The following PRRX1 variants were observed in gnomAD, a reference collection of about 807,000 sequenced individuals.
PRRX1 encodes the protein paired mesoderm homeobox protein 1.
PRRX1 carries 8 observed loss-of-function variants against 24.0 expected under a neutral mutation model. The ratio of observed to expected loss-of-function variants is 0.33; its 90% CI spans 0.20 to 0.60. The LOEUF is 0.60. Among genes scored for constraint, PRRX1 ranks in the 20% least tolerant of loss-of-function variants. PRRX1 has a pLI of 0.82. For missense variants in PRRX1, 281 were observed against 322.4 expected (o/e 0.87, Z 0.98); for synonymous variants, 160 against 131.7 (o/e 1.22, Z -1.47).
intron 1 of PRRX1, among the ~76,000 whole-genome samples, chr1:170,695,767 G>A (rs909730888): frequency 1.1e-4 from 16 of 152,106 alleles, no homozygotes; most frequent in Admixed American, 2.0e-4. Context: ...CAGTATGAAC[G>A]TGCATCTTTT....
At chr1:170,680,669 G>A (rs1337039751) in intron 1 of PRRX1, among the ~76,000 whole-genome samples, 2 of 152,220 alleles carry the variant, frequency 1.3e-5, no homozygotes, top group African/African-American at 4.8e-5. Flanking sequence ...TTCACCAAGT[G>A]TCATAACATC....
intron 3 of PRRX1, chr1:170,728,932 C>A (rs531643657): frequency 6.6e-6 from 1 of 152,328 alleles, no homozygotes; most frequent in East Asian, 1.9e-4. Flanking sequence ...GAAAAATTAA[C>A]TCACTGTTCT....
intron 3 of PRRX1, 35 bp from the exon 4 acceptor site, chr1:170,736,013 T>G: frequency 6.2e-7 from 1 of 1,613,472 alleles, no homozygotes. Flanking sequence ...AACTAATGCC[T>G]GTTATTCTCC....
chr1:170,736,309 A>T lies in PRRX1; in HGVS notation c.*123A>T. On this transcript the variant is annotated 3_prime_UTR_variant, in exon 4 of 4. Coordinates refer to ENST00000239461, the MANE Select transcript of PRRX1 (RefSeq NM_022716.4). ...ATTACAAACAAACAAACAAAGCAGA[A>T]CTAAAATATTGGGACCATGGCAGAG... The T allele has an allele frequency of 1.5e-6, 2 of 1,353,588 alleles. No individual in the cohort carries two copies. Among genetic ancestry groups the T allele is most frequent in the Non-Finnish European group, 2.1e-6 (2 of 973,320 alleles). The allele number at this position is 1,353,588 out of a possible 1,614,324, so 83.8% of individuals were successfully genotyped here. A position where few individuals can be genotyped will look rare whatever the true frequency, so the allele number is the denominator to read the frequency against.
chr1:170,688,855 G>A (rs1653831684), intron 1 of PRRX1, among the ~76,000 whole-genome samples: 1 of 151,970 alleles, frequency 6.6e-6, no homozygotes, highest in Non-Finnish European at 1.5e-5. Context: ...TTTCAGTACT[G>A]AAACTTATTT....
At chr1:170,670,269 G>T (rs1653103165) in intron 1 of PRRX1, among the ~76,000 whole-genome samples, 1 of 152,114 alleles carries the variant, frequency 6.6e-6, no homozygotes, top group African/African-American at 2.4e-5. Flanking sequence ...TAATAAAGAG[G>T]ATGCATATGT....
upstream of PRRX1, chr1:170,663,971 C>T (rs1319915584): frequency 3.9e-6 from 2 of 512,132 alleles, no homozygotes; most frequent in Non-Finnish European, 6.9e-6. Context: ...CTCAGGAAAT[C>T]AACCAATGCT....
intron 3 of PRRX1, among the ~76,000 whole-genome samples, chr1:170,733,768 T>A (rs1216258009): frequency 6.6e-6 from 1 of 152,152 alleles, no homozygotes; most frequent in Non-Finnish European, 1.5e-5. Context: ...TCTCAGATAC[T>A]TAGATCTTCG....
intron 1 of PRRX1, among the ~76,000 whole-genome samples, chr1:170,665,547 C>G (rs555472941): frequency 6.6e-6 from 1 of 152,328 alleles, no homozygotes; most frequent in African/African-American, 2.4e-5. Flanking sequence ...TTGCTGGTTA[C>G]CATTTTTGTC....
At chr1:170,688,601 C>T (rs1030339404) in intron 1 of PRRX1, among the ~76,000 whole-genome samples, 2 of 152,000 alleles carry the variant, frequency 1.3e-5, no homozygotes, top group African/African-American at 4.8e-5. Context: ...AATAAACCTC[C>T]TATAGTCTGC....
At chr1:170,722,165 T>A (rs1036956495) in intron 2 of PRRX1, among the ~76,000 whole-genome samples, 1 of 152,166 alleles carries the variant, frequency 6.6e-6, no homozygotes, top group Non-Finnish European at 1.5e-5. Flanking sequence ...CCTTCATGAC[T>A]TCATTCTTCC....
chr1:170,720,945 A>T (rs1655061613), intron 2 of PRRX1, among the ~76,000 whole-genome samples: 1 of 152,194 alleles, frequency 6.6e-6, no homozygotes. Context: ...TTACATAAGT[A>T]ATTTATTTCA....
chr1:170,700,492 T>G (rs772261847), intron 1 of PRRX1, among the ~76,000 whole-genome samples: 16 of 152,292 alleles, frequency 1.1e-4, no homozygotes, highest in Non-Finnish European at 1.9e-4. Context: ...GAAAGAAAGA[T>G]GACCAGGAGA....
intron 1 of PRRX1, among the ~76,000 whole-genome samples, chr1:170,674,664 T>C (rs1016920544): frequency 6.6e-6 from 1 of 152,288 alleles, no homozygotes; most frequent in Admixed American, 6.5e-5. Flanking sequence ...AAGCAAATTT[T>C]TTTTTTTTTG....
At chr1:170,707,258 T>C (rs1654600250) in intron 1 of PRRX1, among the ~76,000 whole-genome samples, 3 of 152,120 alleles carry the variant, frequency 2.0e-5, no homozygotes, top group African/African-American at 4.8e-5. Context: ...TTTAATGATA[T>C]CATCAGGGAA....
chr1:170,666,371 T>C (rs1358928178), intron 1 of PRRX1, among the ~76,000 whole-genome samples: 1 of 129,362 alleles, frequency 7.7e-6, no homozygotes, highest in Non-Finnish European at 1.5e-5. Context: ...TGAGCCCAGA[T>C]AGTGCCACTG....
chr1:170,668,440 T>C (rs932626475), intron 1 of PRRX1: 3 of 152,222 alleles, frequency 2.0e-5, no homozygotes, highest in African/African-American at 7.2e-5. Context: ...GGAAAGTCAA[T>C]TAGACACGCG....
At chr1:170,705,600 A>AAT (rs1414461783) in intron 1 of PRRX1, among the ~76,000 whole-genome samples, 1 of 152,008 alleles carries the variant, frequency 6.6e-6, no homozygotes, top group African/African-American at 2.4e-5. Context: ...ATCTATTTAA[A>AAT]ATATATATTT....
chr1:170,733,162 A>G (rs979209514), intron 3 of PRRX1, among the ~76,000 whole-genome samples: 1 of 152,196 alleles, frequency 6.6e-6, no homozygotes, highest in African/African-American at 2.4e-5. Context: ...TTACCCTGCT[A>G]AGTCCTCAGA....
Sources: gnomAD v4.1 joint callset for allele counts (sites outside exome capture counted in the v4.1 genomes callset) on GRCh38, gnomAD v4.1.1 for gene constraint, MANE v1.5 for transcripts, NCBI Gene and HGNC (gene_info 2026-07-23, HGNC 2026-07-21) for gene names.